Variants in STK33 observed in about 807,000 individuals in gnomAD.
The protein encoded by STK33 is serine/threonine kinase 33.
Under a neutral mutation model 58.0 loss-of-function variants are expected in STK33, and 52 were observed. The ratio of observed to expected loss-of-function variants is 0.90; its 90% CI spans 0.72 to 1.13. The LOEUF is 1.13. Ranked by LOEUF, STK33 falls within the 50% of genes most tolerant of loss-of-function variation. The pLI is 0.00. For missense variants in STK33, 630 were observed against 604.2 expected, an observed-to-expected ratio of 1.04 and a Z score of -0.45; for synonymous variants, 215 against 200.1, an observed-to-expected ratio of 1.07 and a Z score of -0.63.
chr11:8,538,196 AAG>A (rs1955207737), intron 1 of STK33, among the ~76,000 whole-genome samples: 1 of 152,234 alleles, frequency 6.6e-6, no homozygotes, highest in Admixed American at 6.5e-5. Context: ...AAAAAAAAAA[AAG>A]AGTAACAATA....
intron 14 of STK33, among the ~76,000 whole-genome samples, chr11:8,431,282 A>G (rs1235463059): frequency 1.3e-5 from 2 of 152,226 alleles, no homozygotes; most frequent in African/African-American, 4.8e-5. Flanking sequence ...AAGAGTTAAC[A>G]TATTTAGGAT....
At chr11:8,557,471 A>C (rs1326848891) in intron 1 of STK33, among the ~76,000 whole-genome samples, 1 of 152,078 alleles carries the variant, frequency 6.6e-6, no homozygotes, top group Non-Finnish European at 1.5e-5. Context: ...AAAAACCTGT[A>C]CTTACACAAG....
chr11:8,558,929 T>C (rs371940002), intron 1 of STK33, among the ~76,000 whole-genome samples: 5 of 152,236 alleles, frequency 3.3e-5, no homozygotes, highest in African/African-American at 7.2e-5. Context: ...AACTGGATAC[T>C]GCACTCATTT....
intron 15 of STK33, among the ~76,000 whole-genome samples, chr11:8,397,236 C>T (rs1260289470): frequency 9.2e-5 from 14 of 152,240 alleles, no homozygotes; most frequent in Non-Finnish European, 1.5e-5. Context: ...TGACACCTCA[C>T]ACGGTCGGGT....
At chr11:8,589,106 A>G (rs1483477737) in intron 1 of STK33, among the ~76,000 whole-genome samples, 1 of 152,166 alleles carries the variant, frequency 6.6e-6, no homozygotes, top group East Asian at 1.9e-4. Flanking sequence ...AAACAATTTG[A>G]CAGTTCCTCA....
At chr11:8,415,036 G>A (rs962001609) in intron 14 of STK33, among the ~76,000 whole-genome samples, 4 of 152,006 alleles carry the variant, frequency 2.6e-5, no homozygotes, top group Non-Finnish European at 4.4e-5. Flanking sequence ...ATCTGAACGG[G>A]TTCTGCTCTC....
intron 1 of STK33, among the ~76,000 whole-genome samples, chr11:8,548,372 CCA>C (rs946773745): frequency 6.6e-6 from 1 of 152,132 alleles, no homozygotes; most frequent in Non-Finnish European, 1.5e-5. Flanking sequence ...GCTGTCCTTT[CCA>C]CAGTGTATGT....
the STK33 span, among the ~76,000 whole-genome samples, chr11:8,385,445 CCT>C: frequency 1.3e-4 from 20 of 152,320 alleles, no homozygotes; most frequent in South Asian, 4.2e-4. Flanking sequence ...AAGCTCTTCC[CCT>C]GTTCCCTCTG....
At chr11:8,421,457 A>T (rs775864611) in intron 14 of STK33, among the ~76,000 whole-genome samples, 2 of 152,146 alleles carry the variant, frequency 1.3e-5, no homozygotes, top group Non-Finnish European at 2.9e-5. Context: ...ATACACCTGG[A>T]TATGTTTCTG....
chr11:8,362,740 C>T, the STK33 span, among the ~76,000 whole-genome samples: 6 of 152,302 alleles, frequency 3.9e-5, no homozygotes, highest in South Asian at 4.1e-4. Context: ...CTGCCCTGCA[C>T]GGCCTCTCCC....
chr11:8,493,879 CTT>C (rs1422447038), intron 1 of STK33, among the ~76,000 whole-genome samples: 1 of 152,126 alleles, frequency 6.6e-6, no homozygotes, highest in African/African-American at 2.4e-5. Flanking sequence ...CAGAAAAGGA[CTT>C]TGACAAAATT....
At position 8,464,688 on chromosome 11, in the gene STK33, G is replaced by C. The variant is rs749457326; in HGVS notation, c.453+21C>G. 3.7e-5 allele frequency: 58 copies of C among 1,553,434 alleles called. No individual in the cohort carries two copies. In the South Asian group the frequency reaches 6.4e-4, roughly 17 times the overall value. On this transcript the variant is annotated intron_variant, in intron 7 of 15. Coordinates refer to ENST00000687296, the MANE Select transcript of STK33 (RefSeq NM_001352389.2). ...TGCACTAACACTGTGCCCTCAGTAG[G>C]ATGCTGCTAATGAGCCTTACCTTTT... is the stretch of plus-strand genomic sequence containing the variant.
At chr11:8,373,653 C>T in the STK33 span, among the ~76,000 whole-genome samples, 1 of 152,156 alleles carries the variant, frequency 6.6e-6, no homozygotes, top group Non-Finnish European at 1.5e-5. Context: ...GTGATACTGG[C>T]TCCACTGCCA....
chr11:8,345,402 C>CCCTT, the STK33 span, among the ~76,000 whole-genome samples: 1 of 152,258 alleles, frequency 6.6e-6, no homozygotes, highest in Non-Finnish European at 1.5e-5. Context: ...ACCCTCGTCT[C>CCCTT]CCTTCCTTCC....
the STK33 span, among the ~76,000 whole-genome samples, chr11:8,357,873 C>G: frequency 1.3e-5 from 2 of 152,200 alleles, no homozygotes; most frequent in African/African-American, 4.8e-5. Context: ...CACCAGAGCC[C>G]CACATTAGGA....
intron 1 of STK33, among the ~76,000 whole-genome samples, chr11:8,498,610 G>C (rs1025147996): frequency 6.6e-6 from 1 of 152,024 alleles, no homozygotes; most frequent in Non-Finnish European, 1.5e-5. Context: ...AACCAAAAAA[G>C]AGCCCACATT....
chr11:8,451,515 T>A (rs1946272762), intron 11 of STK33, among the ~76,000 whole-genome samples: 1 of 152,092 alleles, frequency 6.6e-6, no homozygotes, highest in Non-Finnish European at 1.5e-5. Flanking sequence ...TCCATTTATA[T>A]GAAATGTGCA....
intron 1 of STK33, among the ~76,000 whole-genome samples, chr11:8,545,875 T>C (rs1314379855): frequency 6.6e-6 from 1 of 152,190 alleles, no homozygotes; most frequent in East Asian, 1.9e-4. Flanking sequence ...CATTGGGTAA[T>C]TTATCATTGT....
At chr11:8,470,568 C>A (rs1948681511) in intron 6 of STK33, among the ~76,000 whole-genome samples, 2 of 152,178 alleles carry the variant, frequency 1.3e-5, no homozygotes, top group South Asian at 4.1e-4. Context: ...TGCAAGAGGC[C>A]TAGCTTTCAG....
Sources: allele counts gnomAD v4.1 joint callset (sites outside exome capture counted in the v4.1 genomes callset), GRCh38; gene constraint gnomAD v4.1.1; transcripts MANE v1.5; gene names NCBI Gene and HGNC (gene_info 2026-07-23, HGNC 2026-07-21).